TVP23C: variants seen among roughly 807,000 people sequenced by gnomAD.
TVP23C encodes the protein Golgi apparatus membrane protein TVP23 homolog C.
Under a neutral mutation model 28.7 loss-of-function variants are expected in TVP23C, and 19 were observed. The ratio of observed to expected loss-of-function variants is 0.66; its 90% CI spans 0.46 to 0.97. The LOEUF is 0.97. Among genes scored for constraint, TVP23C ranks in the 50% least tolerant of loss-of-function variants. The pLI is 0.00. For missense variants in TVP23C, 186 were observed against 241.3 expected (o/e 0.77, Z 1.52); for synonymous variants, 68 against 81.7 (o/e 0.83, Z 0.90).
At chr17:15,520,233 A>ACC (rs1222113793) in intron 5 of TVP23C, among the ~76,000 whole-genome samples, 1 of 150,370 alleles carries the variant, frequency 6.7e-6, no homozygotes, top group African/African-American at 2.5e-5. Context: ...AACACAAACA[A>ACC]CCCCTGCTCA....
chr17:15,516,820 G>A (rs147802118), intron 5 of TVP23C, among the ~76,000 whole-genome samples: 116 of 152,296 alleles, frequency 7.6e-4, no homozygotes, highest in African/African-American at 2.5e-3. Context: ...TCCAGCAGGT[G>A]TATCACAGAC....
chr17:15,502,856 GGTT>G, exon 6 of TVP23C: 6 of 1,566,172 alleles, frequency 3.8e-6, no homozygotes, highest in Non-Finnish European at 5.2e-6. Flanking sequence ...CAGATTTGTG[GGTT>G]GTTTTTAATG....
chr17:15,550,875 C>G (rs1381805440), intron 3 of TVP23C, among the ~76,000 whole-genome samples: 1 of 152,042 alleles, frequency 6.6e-6, no homozygotes, highest in Non-Finnish European at 1.5e-5. Context: ...TTTGTTTGGA[C>G]TTTGATTTCT....
At chr17:15,508,676 G>A (rs1236938895) in intron 5 of TVP23C, among the ~76,000 whole-genome samples, 1 of 152,148 alleles carries the variant, frequency 6.6e-6, no homozygotes, top group Non-Finnish European at 1.5e-5. Context: ...TACTGCTCTG[G>A]GACCAGGAAA....
At chr17:15,555,849 G>C (rs750713386) in intron 1 of TVP23C, among the ~76,000 whole-genome samples, 1 of 151,916 alleles carries the variant, frequency 6.6e-6, no homozygotes, top group African/African-American at 2.4e-5. Flanking sequence ...ATGCCTCCTC[G>C]GGGATTTGTT....
chr17:15,539,288 C>A lies in TVP23C; in HGVS notation c.*1124G>T. The A allele has an allele frequency of 2.0e-6, 2 of 985,418 alleles. No homozygotes were observed. Among genetic ancestry groups the A allele is most frequent in the South Asian group, 9.4e-5 (2 of 21,286 alleles). The allele number at this position is 985,418 out of a possible 1,614,324, so 61.0% of individuals were successfully genotyped here. A position where few individuals can be genotyped will look rare whatever the true frequency, so the allele number is the denominator to read the frequency against. ...TCACTTGCCCAACCTACTGTACTAA[C>A]CAAATGCAAGGTATTACTCATATAA... On this transcript the variant is annotated 3_prime_UTR_variant, in exon 6 of 6. Transcript: ENST00000518321.
In TVP23C at chr17:15,563,387, G is replaced by A. The variant is rs760978681; in HGVS notation, c.12+50C>T. ...GGGCTCCAGTCCCACGGAACCTGCA[G>A]AGCCAGTCCCAGGAGCCGCCACCCT... On this transcript the variant is annotated intron_variant, in intron 1 of 5. Coordinates refer to ENST00000518321, the MANE Select transcript of TVP23C (RefSeq NM_001135036.2). The A allele has an allele frequency of 7.6e-5, 119 of 1,570,932 alleles. 1 individual carries two copies. The Admixed American group carries it at 2.1e-3, about 28-fold the overall frequency.
chr17:15,516,247 G>A (rs555897400), intron 5 of TVP23C, among the ~76,000 whole-genome samples: 2 of 152,226 alleles, frequency 1.3e-5, no homozygotes, highest in African/African-American at 2.4e-5. Flanking sequence ...GCCAGGAGGC[G>A]ACAGCAAGAA....
At chr17:15,514,592 G>A (rs1982142692) in intron 5 of TVP23C, among the ~76,000 whole-genome samples, 2 of 152,180 alleles carry the variant, frequency 1.3e-5, no homozygotes, top group Admixed American at 1.3e-4. Flanking sequence ...CAAAGGTCAG[G>A]GAAATAGGCA....
chr17:15,517,526 A>G (rs1011837352), intron 5 of TVP23C, among the ~76,000 whole-genome samples: 1 of 152,228 alleles, frequency 6.6e-6, no homozygotes, highest in Non-Finnish European at 1.5e-5. Flanking sequence ...TGATACTTTT[A>G]TCATCCACCT....
rs908278895 is a variant in TVP23C, at chr17:15,559,107, T to C, written c.13-3743A>G. 1.1e-4 allele frequency among the ~76,000 whole-genome samples: 16 copies of C among 148,026 alleles called. 2 individuals are homozygous for C. The highest frequency in any genetic ancestry group is 2.0e-4 in the Non-Finnish European group (13 of 66,336). ...TCCCAAAGTGCTACGATTAGAGGCA[T>C]GAGCCACCATGCCCAGGCTGGCCTT... On this transcript the variant is annotated intron_variant, in intron 1 of 5. Coordinates refer to ENST00000518321, the MANE Select transcript of TVP23C (RefSeq NM_001135036.2).
intron 5 of TVP23C, among the ~76,000 whole-genome samples, chr17:15,523,521 C>T (rs1436077733): frequency 6.6e-6 from 1 of 150,450 alleles, no homozygotes; most frequent in Non-Finnish European, 1.5e-5. Flanking sequence ...GTTGGCCAGG[C>T]TAGTCTTGAA....
chr17:15,558,143 C>CT (rs1984216353), intron 1 of TVP23C, among the ~76,000 whole-genome samples: 1 of 149,380 alleles, frequency 6.7e-6, no homozygotes, highest in Non-Finnish European at 1.5e-5. Flanking sequence ...TACAGCAAGA[C>CT]TGAGATCCAC....
chr17:15,535,258 T>C (rs972715330), downstream of TVP23C, among the ~76,000 whole-genome samples: 5 of 152,112 alleles, frequency 3.3e-5, no homozygotes, highest in Non-Finnish European at 7.3e-5. Flanking sequence ...TGGTTACTGC[T>C]TCATCCAATG....
chr17:15,540,852 C>T (rs560105291), intron 5 of TVP23C, among the ~76,000 whole-genome samples: 1 of 152,378 alleles, frequency 6.6e-6, no homozygotes, highest in East Asian at 1.9e-4. Flanking sequence ...GGGGAGCCTT[C>T]TTGCTCTCTG....
chr17:15,513,946 T>G lies in TVP23C; in HGVS notation c.463-10714A>C, dbSNP rs191404011. On this transcript the variant is annotated intron_variant, in intron 5 of 5. Transcript: ENST00000225576. ...GTGCTTTCCATGATTTTCTCAAGCA[T>G]GCTCTGAATGCAGGGGCGGACGGTG... Among the ~76,000 whole-genome samples the G allele has an allele frequency of 1.9e-4, 29 of 152,326 alleles. No homozygotes were observed. In the East Asian group the frequency reaches 5.4e-3, roughly 28 times the overall value.
chr17:15,549,444 T>TTAA (rs1481634825), intron 3 of TVP23C, among the ~76,000 whole-genome samples: 2 of 152,126 alleles, frequency 1.3e-5, no homozygotes, highest in Non-Finnish European at 2.9e-5. Context: ...AGATATAAGA[T>TTAA]GCCTGGCCAG....
intron 3 of TVP23C, among the ~76,000 whole-genome samples, chr17:15,549,488 G>A (rs1440321734): frequency 6.6e-6 from 1 of 152,058 alleles, no homozygotes; most frequent in East Asian, 1.9e-4. Context: ...AGACCAGCCT[G>A]GCTAACATAG....
intron 5 of TVP23C, among the ~76,000 whole-genome samples, chr17:15,515,082 G>A (rs181219798): frequency 4.6e-5 from 7 of 152,220 alleles, no homozygotes; most frequent in East Asian, 3.9e-4. Context: ...TACACAAGCC[G>A]GAGGTGGCTA....
Sources: gnomAD v4.1 joint callset for allele counts (sites outside exome capture counted in the v4.1 genomes callset) on GRCh38, gnomAD v4.1.1 for gene constraint, MANE v1.5 for transcripts, NCBI Gene and HGNC (gene_info 2026-07-23, HGNC 2026-07-21) for gene names.